Variants in DGKB observed in about 807,000 individuals in gnomAD.
The protein encoded by DGKB is diacylglycerol kinase beta.
DGKB carries 67 observed loss-of-function variants against 114.3 expected under a neutral mutation model. That is an observed-to-expected ratio of 0.59 (90% CI 0.48 to 0.72). The LOEUF (loss-of-function observed/expected upper bound fraction) is 0.72. Ranked by LOEUF, DGKB falls within the 30% of genes least tolerant of loss-of-function variation. The pLI is 0.00. For missense variants in DGKB, 907 were observed against 975.2 expected, an observed-to-expected ratio of 0.93 and a Z score of 0.93; for synonymous variants, 398 against 323.1, an observed-to-expected ratio of 1.23 and a Z score of -2.49.
chr7:14,784,912 GA>G (rs1839664050), intron 2 of DGKB, among the ~76,000 whole-genome samples: 1 of 151,492 alleles, frequency 6.6e-6, no homozygotes, highest in Non-Finnish European at 1.5e-5. Flanking sequence ...ATTTGTTGCT[GA>G]AATACTTTTC....
At chr7:14,182,086 G>A (rs1172507419) in intron 23 of DGKB, among the ~76,000 whole-genome samples, 2 of 152,120 alleles carry the variant, frequency 1.3e-5, no homozygotes, top group Non-Finnish European at 2.9e-5. Context: ...AGGAATACCT[G>A]TGACTTTGTC....
At chr7:14,349,446 T>C (rs1288164844) in intron 21 of DGKB, among the ~76,000 whole-genome samples, 1 of 152,150 alleles carries the variant, frequency 6.6e-6, no homozygotes, top group Non-Finnish European at 1.5e-5. Context: ...ATTATGTCCA[T>C]CAAAGTTCCT....
At chr7:14,838,174 T>C (rs1847412540) in intron 2 of DGKB, among the ~76,000 whole-genome samples, 1 of 152,262 alleles carries the variant, frequency 6.6e-6, no homozygotes, top group African/African-American at 2.4e-5. Context: ...TCTTATGATA[T>C]AATTAAATGT....
intron 23 of DGKB, among the ~76,000 whole-genome samples, chr7:14,289,439 T>G (rs974918399): frequency 2.0e-5 from 3 of 152,194 alleles, no homozygotes; most frequent in Non-Finnish European, 4.4e-5. Context: ...TTGCTGAGTA[T>G]ACATTCATGT....
intron 5 of DGKB, among the ~76,000 whole-genome samples, chr7:14,733,900 T>A (rs757167114): frequency 6.6e-6 from 1 of 152,092 alleles, no homozygotes; most frequent in Non-Finnish European, 1.5e-5. Context: ...CTTAATATTA[T>A]GGACTCTTCA....
rs547685754 is a variant in DGKB at position 14,609,726 on chromosome 7, C to T, written c.1359-2218G>A. Among the ~76,000 whole-genome samples, 146 of 151,860 alleles carry T rather than the reference C, an allele frequency of 9.6e-4. 1 individual carries two copies. Among genetic ancestry groups the T allele is most frequent in the African/African-American group, 3.5e-3 (144 of 41,332 alleles). On this transcript the variant is annotated intron_variant, in intron 16 of 25. Coordinates refer to ENST00000402815, the MANE Select transcript of DGKB (RefSeq NM_001350709.2). The stretch of plus-strand genomic sequence containing the variant: ...AACATGAGCAAAATACATGAACAGA[C>T]ACTTCTTGAAAGTCATACAAGCAGG...
intron 9 of DGKB, among the ~76,000 whole-genome samples, chr7:14,687,155 G>A (rs375952293): frequency 1.2e-4 from 19 of 152,144 alleles, no homozygotes; most frequent in African/African-American, 4.6e-4. Context: ...GAACTCAAAC[G>A]TGAAGCTCCT....
chr7:14,894,760 CA>C (rs1391477261), intron 1 of DGKB, among the ~76,000 whole-genome samples: 9 of 151,558 alleles, frequency 5.9e-5, no homozygotes, highest in African/African-American at 2.2e-4. Flanking sequence ...ACTTGAAGCT[CA>C]AAAGCCTTAT....
intron 2 of DGKB, among the ~76,000 whole-genome samples, chr7:14,783,506 A>C (rs1418666242): frequency 6.6e-6 from 1 of 152,204 alleles, no homozygotes; most frequent in Non-Finnish European, 1.5e-5. Context: ...CACTTATTGA[A>C]GCCATTTCAT....
intron 20 of DGKB, among the ~76,000 whole-genome samples, chr7:14,534,359 C>G (rs892417814): frequency 2.0e-5 from 3 of 151,822 alleles, no homozygotes; most frequent in African/African-American, 7.3e-5. Context: ...AATTACCAAA[C>G]CACAAAGAAA....
chr7:14,427,755 G>T (rs560960294), intron 21 of DGKB, among the ~76,000 whole-genome samples: 1 of 152,170 alleles, frequency 6.6e-6, no homozygotes, highest in East Asian at 1.9e-4. Flanking sequence ...TCACTATCAT[G>T]AGAACAGCAC....
intron 22 of DGKB, among the ~76,000 whole-genome samples, 165 bp from the exon 23 acceptor site, chr7:14,338,875 T>G (rs1811136403): frequency 6.6e-6 from 1 of 152,054 alleles, no homozygotes; most frequent in Non-Finnish European, 1.5e-5. Context: ...TGAGTCAATA[T>G]AAAAGATAAA....
At chr7:14,970,397 T>C (rs1787390799) in intron 1 of DGKB, among the ~76,000 whole-genome samples, 3 of 151,506 alleles carry the variant, frequency 2.0e-5, no homozygotes, top group Non-Finnish European at 4.4e-5. Flanking sequence ...TATAAAGAAG[T>C]AAAACAGGGT....
At chr7:14,480,276 G>A (rs1782792246) in intron 20 of DGKB, among the ~76,000 whole-genome samples, 2 of 151,994 alleles carry the variant, frequency 1.3e-5, no homozygotes, top group African/African-American at 4.8e-5. Flanking sequence ...AAGATACTTG[G>A]GCAATGGATC....
At chr7:14,830,160 T>C (rs1263484998) in intron 2 of DGKB, among the ~76,000 whole-genome samples, 1 of 152,002 alleles carries the variant, frequency 6.6e-6, no homozygotes, top group Non-Finnish European at 1.5e-5. Context: ...TAAAAAAAAT[T>C]GTATGTGTTG....
intron 21 of DGKB, among the ~76,000 whole-genome samples, chr7:14,351,446 T>C (rs116596366): frequency 0.014 from 2,061 of 152,234 alleles, 52 homozygotes; most frequent in African/African-American, 0.047. Flanking sequence ...CCTAGGTCAG[T>C]GCAGAGGGAA....
intron 4 of DGKB, among the ~76,000 whole-genome samples, chr7:14,749,050 T>A (rs1487935072): frequency 6.6e-6 from 1 of 152,202 alleles, no homozygotes; most frequent in Non-Finnish European, 1.5e-5. Context: ...CATTCTAATT[T>A]ATATCATTAA....
At chr7:14,932,935 A>G (rs1036025203) in intron 1 of DGKB, among the ~76,000 whole-genome samples, 1 of 152,210 alleles carries the variant, frequency 6.6e-6, no homozygotes, top group African/African-American at 2.4e-5. Context: ...TGGTCGGTCC[A>G]GTAATACCAA....
chr7:14,637,178 A>G (rs1810906356), intron 13 of DGKB, among the ~76,000 whole-genome samples: 1 of 152,002 alleles, frequency 6.6e-6, no homozygotes, highest in Admixed American at 6.6e-5. Context: ...AATACTCAGC[A>G]TTAGTCAGAA....
Sources: gnomAD v4.1 joint callset for allele counts (sites outside exome capture counted in the v4.1 genomes callset) on GRCh38, gnomAD v4.1.1 for gene constraint, MANE v1.5 for transcripts, NCBI Gene and HGNC (gene_info 2026-07-23, HGNC 2026-07-21) for gene names.